The following RSRP1 variants were observed in gnomAD, a reference collection of about 807,000 sequenced individuals.
The protein encoded by RSRP1 is arginine and serine rich protein 1, also known as arginine/serine-rich protein 1.
A neutral mutation model predicts 33.0 loss-of-function variants in RSRP1; 37 were observed. That is an observed-to-expected ratio of 1.12 (90% CI 0.86 to 1.48). The LOEUF (loss-of-function observed/expected upper bound fraction) is 1.48, where lower values mean the gene tolerates loss of function less well. Among genes scored for constraint, RSRP1 ranks in the 40% most tolerant of loss-of-function variants. The probability of loss-of-function intolerance (pLI) is 0.00; values close to 1 mark genes in which losing one functional copy is unlikely to be tolerated. For missense variants in RSRP1, 402 were observed against 385.3 expected, an observed-to-expected ratio of 1.04 and a Z score of -0.36; for synonymous variants, 167 against 158.7, an observed-to-expected ratio of 1.05 and a Z score of -0.40.
chr1:25,291,418 G>A lies in RSRP1; in HGVS notation c.-66-44389C>T, dbSNP rs777430257. 3.0e-4 allele frequency among the ~76,000 whole-genome samples: 39 copies of A among 132,008 alleles called. 10 individuals are homozygous for A. The highest frequency in any genetic ancestry group is 1.1e-3 in the Admixed American group (15 of 13,538). The allele number at this position is 132,008 out of a possible 152,430, so 86.6% of individuals were successfully genotyped here. A position where few individuals can be genotyped will look rare whatever the true frequency, so the allele number is the denominator to read the frequency against. Reference sequence around the variant, plus strand: ...CGAGAGGTGGAGGTTGCAGTGAACCGAGATCGCGCCATTGCACTGCAGCCT... The same window carrying A: ...CGAGAGGTGGAGGTTGCAGTGAACCAAGATCGCGCCATTGCACTGCAGCCT... On this transcript the variant is annotated intron_variant, in intron 1 of 1. Coordinates refer to the RSRP1 transcript ENST00000561867.
Position 25,245,215 on chromosome 1 carries a change from T to C in RSRP1, c.607A>G (p.Thr203Ala). 1 of 1,614,126 alleles carries C rather than the reference T, an allele frequency of 6.2e-7. No individual in the cohort carries two copies. The highest frequency in any genetic ancestry group is 8.5e-7 in the Non-Finnish European group (1 of 1,180,028). The change falls in exon 3 of 5, where the codon ACT becomes GCT. Residue 203 changes from threonine to alanine, a missense_variant. Transcript: ENST00000243189. Reference sequence around the variant, plus strand: ...CTTGTTTCTTTGGCTGAAGGAACAGTTCTGAGACTAGCTGGCAAGTCAATG... The same window carrying C: ...CTTGTTTCTTTGGCTGAAGGAACAGCTCTGAGACTAGCTGGCAAGTCAATG... ...TNIDLPASLR[T>A]VPSAKETSRG...
intron 3 of RSRP1, chr1:25,244,133 T>TTGC (rs1639142497): frequency 7.8e-7 from 1 of 1,285,342 alleles, no homozygotes; most frequent in South Asian, 1.2e-5. Flanking sequence ...ACAGTGCAAT[T>TTGC]TGCTAATGCA....
rs1290896486 is a variant in RSRP1, at chr1:25,305,971, T to A, written c.-67+32007A>T. ...CAGCCTGATTGAATTTGCATATGTG[T>A]CCACATCTGCTGGCTCACGGCTGTG... On this transcript the variant is annotated intron_variant, in intron 1 of 1. Coordinates refer to the RSRP1 transcript ENST00000561867. Among the ~76,000 whole-genome samples the A allele has an allele frequency of 2.3e-5, 3 of 132,026 alleles. 1 individual carries two copies. Among genetic ancestry groups the A allele is most frequent in the Non-Finnish European group, 5.4e-5 (3 of 55,948 alleles). The allele number at this position is 132,026 out of a possible 152,430, so 86.6% of individuals were successfully genotyped here.
chr1:25,299,689 T>G (rs1643231186), intron 1 of RSRP1, among the ~76,000 whole-genome samples: 1 of 132,320 alleles, frequency 7.6e-6, no homozygotes, highest in Admixed American at 7.3e-5. Context: ...ACCTTGACTT[T>G]GAGTGACATG....
chr1:25,261,043 G>A (rs1640122140), intron 1 of RSRP1, among the ~76,000 whole-genome samples: 1 of 151,946 alleles, frequency 6.6e-6, no homozygotes, highest in East Asian at 1.9e-4. Flanking sequence ...CTTGTCATCT[G>A]CCTGCCTCGG....
intron 1 of RSRP1, among the ~76,000 whole-genome samples, chr1:25,261,881 T>G (rs1398663307): frequency 1.3e-5 from 2 of 151,552 alleles, no homozygotes; most frequent in East Asian, 1.9e-4. Flanking sequence ...CTAGCTACTT[T>G]TTGTATTTTT....
chr1:25,310,477 T>C (rs1056419434), intron 1 of RSRP1, among the ~76,000 whole-genome samples: 1 of 131,852 alleles, frequency 7.6e-6, no homozygotes, highest in Non-Finnish European at 1.8e-5. Context: ...GTGAGCTAAA[T>C]CAATTTATTT....
intron 1 of RSRP1, among the ~76,000 whole-genome samples, chr1:25,291,111 C>A (rs1642463173): frequency 7.7e-6 from 1 of 130,210 alleles, no homozygotes; most frequent in Non-Finnish European, 1.8e-5. Flanking sequence ...GGCAACATAG[C>A]AAGACCTCAT....
chr1:25,313,631 A>G (rs28619253), intron 1 of RSRP1, among the ~76,000 whole-genome samples: 1 of 132,196 alleles, frequency 7.6e-6, no homozygotes, highest in East Asian at 2.0e-4. Context: ...AGAACACGTC[A>G]TGCAGGGCCA....
intron 1 of RSRP1, among the ~76,000 whole-genome samples, chr1:25,298,986 T>G (rs1643158987): frequency 8.4e-6 from 1 of 119,262 alleles, no homozygotes; most frequent in South Asian, 2.6e-4. Context: ...GCCATATGGG[T>G]ACCTGAGAAC....
rs657596 is a variant in RSRP1 at position 25,307,097 on chromosome 1, T to C, written c.-67+30881A>G. On this transcript the variant is annotated intron_variant, in intron 1 of 1. Transcript: ENST00000561867. ...TCCCACTGCGTACTAGCTGGGCATGTGGCTTAACCTTTCTCAGCCTCAGTC... is the reference window on the plus strand; with the variant it reads ...TCCCACTGCGTACTAGCTGGGCATGCGGCTTAACCTTTCTCAGCCTCAGTC... 95 of 324,352 alleles carry C rather than the reference T, an allele frequency of 2.9e-4. 15 individuals are homozygous for C. Among genetic ancestry groups the C allele is most frequent in the African/African-American group, 1.2e-3 (52 of 44,544 alleles). The allele number at this position is 324,352 out of a possible 1,614,324, so 20.1% of individuals were successfully genotyped here. A position where few individuals can be genotyped will look rare whatever the true frequency, so the allele number is the denominator to read the frequency against.
intron 1 of RSRP1, among the ~76,000 whole-genome samples, chr1:25,294,926 GGCT>G (rs1355501651): frequency 1.8e-5 from 2 of 112,668 alleles, no homozygotes; most frequent in East Asian, 4.7e-4. Flanking sequence ...CGGGACTGCA[GGCT>G]GGCACCAGGG....
intron 1 of RSRP1, among the ~76,000 whole-genome samples, chr1:25,287,364 G>T (rs1026268602): frequency 3.0e-5 from 4 of 135,284 alleles, no homozygotes; most frequent in African/African-American, 1.0e-4. Flanking sequence ...CTAGAAAGAC[G>T]AGAAGGGAGA....
chr1:25,261,474 G>A (rs1333195263), intron 1 of RSRP1, among the ~76,000 whole-genome samples: 1 of 149,626 alleles, frequency 6.7e-6, no homozygotes, highest in African/African-American at 2.5e-5. Flanking sequence ...GTGCAATCTC[G>A]GCTCACTGCA....
intron 1 of RSRP1, among the ~76,000 whole-genome samples, chr1:25,257,946 A>G (rs1467821903): frequency 6.6e-6 from 1 of 152,112 alleles, no homozygotes; most frequent in Non-Finnish European, 1.5e-5. Context: ...TTGGGGAGCC[A>G]TGAGTGTCAA....
In RSRP1 at chr1:25,309,102, T is replaced by C. The variant is rs1467438424; in HGVS notation, c.-67+28876A>G. Among the ~76,000 whole-genome samples, 3 of 131,688 alleles carry C rather than the reference T, an allele frequency of 2.3e-5. 1 individual carries two copies. Among genetic ancestry groups the C allele is most frequent in the African/African-American group, 7.9e-5 (3 of 38,014 alleles). 86.4% of individuals were successfully genotyped at this position (131,688 alleles called of 152,430 possible). A position where few individuals can be genotyped will look rare whatever the true frequency, so the allele number is the denominator to read the frequency against. On this transcript the variant is annotated intron_variant, in intron 1 of 1. Transcript: ENST00000561867. ...ACTGTGGATTAGCTACTTGGTGGCA[T>C]TGGGCAAGTCAGTTGACTTTGCATT...
Position 25,282,087 on chromosome 1 carries a change from C to T in RSRP1, c.-66-35058G>A, listed in dbSNP as rs139787670. On this transcript the variant is annotated intron_variant, in intron 1 of 1. Transcript: ENST00000561867. ...TATTTATTGAGCGTTCTCCATGTGC[C>T]AGTCACTGTACTAAACATTATTTCC... Among the ~76,000 whole-genome samples, 35 of 131,884 alleles carry T rather than the reference C, an allele frequency of 2.7e-4. 9 individuals are homozygous for T. Among genetic ancestry groups the T allele is most frequent in the East Asian group, 1.6e-3 (8 of 5,130 alleles). 86.5% of individuals were successfully genotyped at this position (131,884 alleles called of 152,430 possible).
chr1:25,274,562 A>C (rs1225337131), intron 1 of RSRP1, among the ~76,000 whole-genome samples: 2 of 133,020 alleles, frequency 1.5e-5, no homozygotes, highest in East Asian at 1.9e-4. Context: ...GAGGGAGGTG[A>C]CTGCCCAGCC....
chr1:25,329,222 T>G (rs1644930350), intron 1 of RSRP1: 3 of 693,326 alleles, frequency 4.3e-6, no homozygotes, highest in Non-Finnish European at 7.1e-6. Context: ...TAAGGTTAAT[T>G]TATTATTATT....
Sources: gnomAD v4.1 joint callset for allele counts (sites outside exome capture counted in the v4.1 genomes callset) on GRCh38, gnomAD v4.1.1 for gene constraint, MANE v1.5 for transcripts, NCBI Gene and HGNC (gene_info 2026-07-23, HGNC 2026-07-21) for gene names.